LARGE1: variants seen among roughly 807,000 people sequenced by gnomAD.
LARGE1 encodes LARGE xylosyl- and glucuronyltransferase 1.
A neutral mutation model predicts 87.6 loss-of-function variants in LARGE1; 43 were observed. That is an observed-to-expected ratio of 0.49 (90% CI 0.38 to 0.63). The LOEUF is 0.63. LARGE1 is among the 30% of genes least tolerant of loss of function. The probability of loss-of-function intolerance (pLI) is 0.00; values close to 1 mark genes in which losing one functional copy is unlikely to be tolerated. For missense variants in LARGE1, 802 were observed against 1,000.2 expected, an observed-to-expected ratio of 0.80 and a Z score of 2.67; for synonymous variants, 434 against 394.6, an observed-to-expected ratio of 1.10 and a Z score of -1.18.
At chr22:33,769,359 T>C (rs1172345724) in intron 1 of LARGE1, among the ~76,000 whole-genome samples, 1 of 152,178 alleles carries the variant, frequency 6.6e-6, no homozygotes, top group Non-Finnish European at 1.5e-5. Context: ...TCTCGTATTG[T>C]TTCCTTTACG....
At chr22:33,337,107 C>T (rs1299475148) in intron 10 of LARGE1, among the ~76,000 whole-genome samples, 1 of 151,178 alleles carries the variant, frequency 6.6e-6, no homozygotes, top group African/African-American at 2.4e-5. Flanking sequence ...TGAGATACAG[C>T]ATATGAACAA....
chr22:33,768,557 T>C (rs181049805), intron 1 of LARGE1, among the ~76,000 whole-genome samples: 1 of 152,222 alleles, frequency 6.6e-6, no homozygotes, highest in Admixed American at 6.5e-5. Flanking sequence ...ATAGGACTTC[T>C]CTGTCAAGTC....
chr22:33,434,958 ACAT>A (rs2147756948), intron 6 of LARGE1, among the ~76,000 whole-genome samples: 1 of 152,252 alleles, frequency 6.6e-6, no homozygotes, highest in South Asian at 2.1e-4. Context: ...TAGATGGAAG[ACAT>A]CACTATTTAG....
chr22:33,739,870 T>C (rs1297502391), intron 2 of LARGE1, among the ~76,000 whole-genome samples: 2 of 152,128 alleles, frequency 1.3e-5, no homozygotes, highest in Non-Finnish European at 2.9e-5. Context: ...GGGGATGAGA[T>C]GAGAGCACCT....
intron 1 of LARGE1, among the ~76,000 whole-genome samples, chr22:33,835,331 A>G (rs918877344): frequency 2.0e-5 from 3 of 152,106 alleles, no homozygotes; most frequent in Non-Finnish European, 4.4e-5. Flanking sequence ...GTGATTTTCA[A>G]CTCCCTGGAC....
rs75501859 is a variant in LARGE1, at chr22:33,815,342, G to A, written c.-82-53784C>T. Reference sequence around the variant, plus strand: ...TATCATTGTTGTCCAGCTGTTCAACGTGAATGGCAAAATCATTGCTCTTCA... The same window carrying A: ...TATCATTGTTGTCCAGCTGTTCAACATGAATGGCAAAATCATTGCTCTTCA... On this transcript the variant is annotated intron_variant, in intron 1 of 14. Coordinates refer to ENST00000397394, the MANE Select transcript of LARGE1 (RefSeq NM_133642.5). Among the ~76,000 whole-genome samples, 700 of 152,302 alleles carry A rather than the reference G, an allele frequency of 4.6e-3. 3 individuals are homozygous for A. The highest frequency in any genetic ancestry group is 0.015 in the African/African-American group (638 of 41,558).
chr22:33,888,801 G>C (rs2064929315), intron 1 of LARGE1, among the ~76,000 whole-genome samples: 2 of 151,968 alleles, frequency 1.3e-5, no homozygotes, highest in Non-Finnish European at 2.9e-5. Context: ...AGGTTGCAGA[G>C]AGCCAAGATC....
chr22:33,275,911 T>G (rs1169921255), intron 14 of LARGE1, among the ~76,000 whole-genome samples: 1 of 152,336 alleles, frequency 6.6e-6, no homozygotes. Flanking sequence ...TGAGTGGCAC[T>G]CTGCTCATTC....
intron 1 of LARGE1, among the ~76,000 whole-genome samples, chr22:33,883,376 T>C (rs1317105101): frequency 6.6e-6 from 1 of 152,164 alleles, no homozygotes; most frequent in Non-Finnish European, 1.5e-5. Context: ...CTCAGACTCA[T>C]ATATTTCTCA....
At chr22:33,307,529 C>T (rs549474813) in intron 11 of LARGE1, among the ~76,000 whole-genome samples, 1 of 152,186 alleles carries the variant, frequency 6.6e-6, no homozygotes, top group African/African-American at 2.4e-5. Context: ...CTCAAAGTTC[C>T]ACAATCCCCT....
chr22:33,183,462 C>A (rs1244245273), intron 11 of LARGE1, among the ~76,000 whole-genome samples: 1 of 152,130 alleles, frequency 6.6e-6, no homozygotes, highest in Non-Finnish European at 1.5e-5. Context: ...CATGATCTGG[C>A]AATCCCACTT....
At chr22:33,214,225 T>G (rs1925097635) in intron 11 of LARGE1, among the ~76,000 whole-genome samples, 1 of 152,050 alleles carries the variant, frequency 6.6e-6, no homozygotes, top group Non-Finnish European at 1.5e-5. Context: ...TCCTTTCTTC[T>G]GGGGTCTCTC....
the LARGE1 span, among the ~76,000 whole-genome samples, chr22:33,101,000 C>T: frequency 6.6e-6 from 1 of 152,070 alleles, no homozygotes; most frequent in South Asian, 2.1e-4. Flanking sequence ...CAGGTGCTAC[C>T]ACACCCGGCT....
chr22:33,684,290 T>G (rs1177369391), intron 2 of LARGE1, among the ~76,000 whole-genome samples: 1 of 151,272 alleles, frequency 6.6e-6, no homozygotes, highest in Non-Finnish European at 1.5e-5. Flanking sequence ...GGTAACAAAT[T>G]TACGTAAGAG....
chr22:33,574,686 TTGTGTGTGTGTGTGTGTGTGTGTG>T (rs3986017), intron 5 of LARGE1, among the ~76,000 whole-genome samples: 14,123 of 144,072 alleles, frequency 0.098, 924 homozygotes, highest in African/African-American at 0.18. Context: ...ATATAAACAA[TTGTGTGTGTGTGTGTGTGTGTGTG>T]TGTGTGTGTG....
chr22:33,667,983 T>A (rs1210888112), intron 2 of LARGE1, among the ~76,000 whole-genome samples: 2 of 152,250 alleles, frequency 1.3e-5, no homozygotes, highest in Non-Finnish European at 2.9e-5. Context: ...ATTCCTTTCC[T>A]ATTTTTATCT....
intron 11 of LARGE1, among the ~76,000 whole-genome samples, chr22:33,252,719 C>G (rs994949526): frequency 1.3e-5 from 2 of 152,168 alleles, no homozygotes; most frequent in Non-Finnish European, 2.9e-5. Context: ...AGCCTCTGCT[C>G]TTCCAAGCAA....
chr22:33,703,041 G>A (rs1160781892), intron 2 of LARGE1, among the ~76,000 whole-genome samples: 2 of 152,142 alleles, frequency 1.3e-5, no homozygotes, highest in Non-Finnish European at 1.5e-5. Flanking sequence ...GTCCTTTGCA[G>A]GGACATTGAT....
intron 1 of LARGE1, among the ~76,000 whole-genome samples, chr22:33,780,131 C>A (rs563639124): frequency 6.6e-6 from 1 of 152,298 alleles, no homozygotes; most frequent in African/African-American, 2.4e-5. Flanking sequence ...CGACATTGTG[C>A]CTGTGTGCAC....
Sources: allele counts gnomAD v4.1 joint callset (sites outside exome capture counted in the v4.1 genomes callset), GRCh38; gene constraint gnomAD v4.1.1; transcripts MANE v1.5; gene names NCBI Gene and HGNC (gene_info 2026-07-23, HGNC 2026-07-21).